Variants in FBN2 observed in about 807,000 individuals in gnomAD.
FBN2 encodes the protein fibrillin 2, also known as fibrillin-2.
Under a neutral mutation model 355.6 loss-of-function variants are expected in FBN2, and 105 were observed. The ratio of observed to expected loss-of-function variants is 0.30; its 90% confidence interval spans 0.25 to 0.35. The LOEUF (loss-of-function observed/expected upper bound fraction) is 0.35. Ranked by LOEUF, FBN2 falls within the 10% of genes least tolerant of loss-of-function variation. The pLI is 1.00. For synonymous variants in FBN2, 1,350 were observed against 1,301.2 expected (o/e 1.04, Z -0.81); for missense variants, 3,280 against 3,758.7 (o/e 0.87, Z 3.33).
At chr5:128,378,745 T>C in intron 12 of FBN2, 26 bp downstream of exon 12, 2 of 1,612,254 alleles carry the variant, frequency 1.2e-6, no homozygotes, top group Non-Finnish European at 1.7e-6. Context: ...TGGAACATTT[T>C]CATATGTGAA....
At position 128,393,225 on chromosome 5, in the gene FBN2, T is replaced by G; in HGVS notation, c.1375A>C (p.Ile459Leu). 1.2e-6 allele frequency: 2 copies of G among 1,614,176 alleles called. No homozygotes were observed. Among genetic ancestry groups the G allele is most frequent in the Non-Finnish European group, 8.5e-7 (1 of 1,180,028 alleles). ...AAGCCATTGCCTCCAGGGATGGGGA[T>G]GAAGCCTGTCCCTCCTGGGCCATAG... ...NGYGPGGTGF[I>L]PIPGGNGFSP... The change falls in exon 10 of 65, where the codon ATC (isoleucine) becomes CTC (leucine). Residue 459 changes from isoleucine (I) to leucine (L), a missense_variant. Ile to Leu is a conservative substitution (Grantham distance 5). Coordinates refer to ENST00000262464, the MANE Select transcript of FBN2 (RefSeq NM_001999.4).
rs1554075870 is a variant in FBN2, at chr5:128,527,873, T to C, written c.531A>G (p.Gln177=). 1 of 1,592,458 alleles carries C rather than the reference T, an allele frequency of 6.3e-7. No homozygotes were observed. The highest frequency in any genetic ancestry group is 8.6e-7 in the Non-Finnish European group (1 of 1,160,786). The change falls in exon 4 of 65, where the codon CAA becomes CAG. Residue 177 remains glutamine (Q), a splice_region_variant and synonymous_variant. Coordinates refer to ENST00000262464, the MANE Select transcript of FBN2 (RefSeq NM_001999.4). The part of the protein sequence containing the change: ...QKGYIGTYCG[Q]PVCENGCQNG... Reference sequence around the variant, plus strand: ...TTCTAATAAATCAATGTCCCTTACGTTGTCCACAATAAGTTCCAATATATC... The same window carrying C: ...TTCTAATAAATCAATGTCCCTTACGCTGTCCACAATAAGTTCCAATATATC...
At chr5:128,424,548 T>C (rs1415096561) in intron 7 of FBN2, among the ~76,000 whole-genome samples, 1 of 150,364 alleles carries the variant, frequency 6.7e-6, no homozygotes, top group Non-Finnish European at 1.5e-5. Flanking sequence ...TTCAGGATTT[T>C]ACTATAGTAC....
intron 25 of FBN2, among the ~76,000 whole-genome samples, chr5:128,339,730 T>A (rs1750948085): frequency 6.6e-6 from 1 of 152,082 alleles, no homozygotes; most frequent in Admixed American, 6.5e-5. Context: ...ACAGTGCTGG[T>A]CTACTACACT....
chr5:128,338,824 G>T, intron 26 of FBN2, 109 bp downstream of exon 26: 1 of 1,212,364 alleles, frequency 8.2e-7, no homozygotes, highest in Non-Finnish European at 1.2e-6. Context: ...CACCACAGAT[G>T]CTGGCCACAC....
In FBN2 at chr5:128,269,898, G is replaced by C. The variant is rs545666140; in HGVS notation, c.7960+2101C>G. On this transcript the variant is annotated intron_variant, in intron 62 of 64. Transcript: ENST00000262464. ...GCGTGTATAGCCAAGATAATCCTAA[G>C]CAAAAGGAACAAAGCTGGAGGCCTC... 3.3e-5 allele frequency among the ~76,000 whole-genome samples: 5 copies of C among 152,214 alleles called. No homozygotes were observed. The South Asian group carries it at 1.0e-3, about 32-fold the overall frequency.
At chr5:128,355,273 G>A (rs571617703) in intron 20 of FBN2, among the ~76,000 whole-genome samples, 29 of 152,254 alleles carry the variant, frequency 1.9e-4, no homozygotes, top group African/African-American at 4.8e-4. Context: ...AAGACAGAGC[G>A]CAGACCCAAG....
At chr5:128,297,951 G>T (rs1749575911) in intron 48 of FBN2, among the ~76,000 whole-genome samples, 5 of 151,130 alleles carry the variant, frequency 3.3e-5, no homozygotes, top group African/African-American at 1.2e-4. Flanking sequence ...TTACATTTTG[G>T]CATGATTTTG....
At position 128,397,000 on chromosome 5, in the gene FBN2, T is replaced by A. The variant is rs142485284; in HGVS notation, c.1079-1726A>T. Among the ~76,000 whole-genome samples, 204 of 152,306 alleles carry A rather than the reference T, an allele frequency of 1.3e-3. 1 individual carries two copies. Among genetic ancestry groups the A allele is most frequent in the African/African-American group, 4.8e-3 (199 of 41,574 alleles). On this transcript the variant is annotated intron_variant, in intron 8 of 64. Transcript: ENST00000262464. ...TATATAGCATGCCTCAGATTGCTTT[T>A]AAGCTATCATAAAATAAATGAATTA...
chr5:128,276,016 T>C lies in FBN2; in HGVS notation c.7594+22A>G, dbSNP rs765193957. The C allele has an allele frequency of 3.7e-6, 6 of 1,612,982 alleles. No individual in the cohort carries two copies. In the South Asian group the frequency reaches 4.4e-5, roughly 12 times the overall value. ...GAAAAGATACAGACTAGGGTCACGA[T>C]TGTCAGAGACTCTTCACTCACCTTT... On this transcript the variant is annotated intron_variant, in intron 59 of 64. Transcript: ENST00000262464.
intron 5 of FBN2, among the ~76,000 whole-genome samples, chr5:128,504,021 G>A (rs532855444): frequency 5.3e-5 from 8 of 152,166 alleles, no homozygotes; most frequent in Non-Finnish European, 7.3e-5. Context: ...CTCCAGCTGT[G>A]GCTAAAAGGG....
Position 128,274,556 on chromosome 5 carries a change from C to T in FBN2, c.7711+11G>A, listed in dbSNP as rs188450945. ...AGTTTGTAAAATTTCCCATTTGTAACTTTGTCTTACCGATACAAGCAGTGT... is the reference window on the plus strand; with the variant it reads ...AGTTTGTAAAATTTCCCATTTGTAATTTTGTCTTACCGATACAAGCAGTGT... On this transcript the variant is annotated intron_variant, in intron 60 of 64. Coordinates refer to ENST00000262464, the MANE Select transcript of FBN2 (RefSeq NM_001999.4). 7.4e-6 allele frequency: 11 copies of T among 1,494,994 alleles called. No individual in the cohort carries two copies. Among genetic ancestry groups the T allele is most frequent in the Non-Finnish European group, 1.0e-5 (11 of 1,071,524 alleles). The allele number at this position is 1,494,994 out of a possible 1,614,324, so 92.6% of individuals were successfully genotyped here.
intron 21 of FBN2, 68 bp downstream of exon 21, chr5:128,350,800 A>G: frequency 2.6e-6 from 4 of 1,565,174 alleles, no homozygotes; most frequent in Admixed American, 1.7e-5. Flanking sequence ...CTGCGTAGTG[A>G]AAGAGGTGTC....
chr5:128,278,139 T>G, intron 57 of FBN2, 134 bp from the exon 58 acceptor site: 1 of 864,458 alleles, frequency 1.2e-6, no homozygotes, highest in African/African-American at 1.7e-5. Context: ...CTGGAGCACC[T>G]GTTCATCATT....
intron 7 of FBN2, among the ~76,000 whole-genome samples, chr5:128,440,587 C>T (rs1753893866): frequency 6.6e-6 from 1 of 152,156 alleles, no homozygotes; most frequent in Admixed American, 6.5e-5. Context: ...GCCCCTCTTC[C>T]AGCATTGGGG....
At chr5:128,356,136 GC>G (rs1201764651) in intron 20 of FBN2, among the ~76,000 whole-genome samples, 1 of 150,894 alleles carries the variant, frequency 6.6e-6, no homozygotes, top group Non-Finnish European at 1.5e-5. Context: ...ACACCCCACC[GC>G]CCCCCCAACC....
chr5:128,423,391 T>C (rs1218676414), intron 7 of FBN2, among the ~76,000 whole-genome samples: 1 of 152,130 alleles, frequency 6.6e-6, no homozygotes, highest in African/African-American at 2.4e-5. Flanking sequence ...AAGTCACATC[T>C]TACATGGTAG....
At position 128,408,679 on chromosome 5, in the gene FBN2, C is replaced by A; in HGVS notation, c.1073G>T (p.Cys358Phe). Reference protein sequence around the residue: ...GYVTSTDGSRCIDQRTGMCFS... With the variant: ...GYVTSTDGSRFIDQRTGMCFS... Reference sequence around the variant, plus strand: ...CTTCAAAATGCGAGGCTTACCGATGCATCGAGAGCCATCTGTTGAGGTTAC... The same window carrying A: ...CTTCAAAATGCGAGGCTTACCGATGAATCGAGAGCCATCTGTTGAGGTTAC... Residue 358 changes from cysteine (C) to phenylalanine (F), a missense_variant, in exon 8 of 65, where the codon TGC becomes TTC. Around this residue, in one of 6 missense-constraint regions of FBN2, gnomAD observed 343 missense variants for 331.0 expected, o/e 1.04. Coordinates refer to ENST00000262464, the MANE Select transcript of FBN2 (RefSeq NM_001999.4). The A allele has an allele frequency of 6.2e-7, 1 of 1,613,920 alleles. No individual in the cohort carries two copies. The highest frequency in any genetic ancestry group is 1.3e-5 in the African/African-American group (1 of 75,024).
At chr5:128,397,025 A>G (rs1024348556) in intron 8 of FBN2, among the ~76,000 whole-genome samples, 5 of 152,136 alleles carry the variant, frequency 3.3e-5, no homozygotes, top group African/African-American at 4.8e-5. Flanking sequence ...TAAATGAATT[A>G]CCTTTAAGAT....
Sources: allele counts gnomAD v4.1 joint callset (sites outside exome capture counted in the v4.1 genomes callset), GRCh38; gene constraint gnomAD v4.1.1; regional missense constraint gnomAD v4.1.1; transcripts MANE v1.5; gene names NCBI Gene and HGNC (gene_info 2026-07-23, HGNC 2026-07-21).